MYT1L: variants seen among roughly 807,000 people sequenced by gnomAD.
MYT1L encodes the protein myelin transcription factor 1 like.
MYT1L carries 12 observed loss-of-function variants against 126.7 expected under a neutral mutation model. That is an observed-to-expected ratio of 0.09 (90% confidence interval 0.06 to 0.15). The LOEUF (loss-of-function observed/expected upper bound fraction) is 0.15. Ranked by LOEUF, MYT1L falls within the 10% of genes least tolerant of loss-of-function variation. The probability of loss-of-function intolerance (pLI) is 1.00; values close to 1 mark genes in which losing one functional copy is unlikely to be tolerated. For synonymous variants in MYT1L, 541 were observed against 604.2 expected (o/e 0.90, Z 1.53); for missense variants, 979 against 1,585.2 (o/e 0.62, Z 6.49).
intron 4 of MYT1L, among the ~76,000 whole-genome samples, chr2:2,000,499 AC>A (rs1366819074): frequency 1.3e-5 from 2 of 152,058 alleles, no homozygotes; most frequent in Admixed American, 6.5e-5. Context: ...GGCCTGAGTG[AC>A]GGGCACTTCT....
intron 4 of MYT1L, among the ~76,000 whole-genome samples, chr2:2,004,508 T>C (rs1478826289): frequency 2.0e-5 from 3 of 148,328 alleles, no homozygotes; most frequent in Non-Finnish European, 4.5e-5. Context: ...CATTCTTTCC[T>C]GCAGGCATTA....
chr2:2,326,585 A>C, intron 1 of MYT1L: 1 of 150,274 alleles, frequency 6.7e-6, no homozygotes, highest in African/African-American at 2.5e-5. Context: ...TCCAATAATC[A>C]CCACGTGGGG....
intron 10 of MYT1L, among the ~76,000 whole-genome samples, chr2:1,920,923 G>A (rs973464623): frequency 1.3e-5 from 2 of 152,198 alleles, no homozygotes; most frequent in Non-Finnish European, 2.9e-5. Flanking sequence ...CGACTGAAAC[G>A]CTGTCTGTGC....
intron 21 of MYT1L, among the ~76,000 whole-genome samples, chr2:1,818,928 C>T (rs2038106026): frequency 6.6e-6 from 1 of 152,198 alleles, no homozygotes. Flanking sequence ...GACGCCTCGG[C>T]CACAGCCACA....
rs554656850 is a variant in MYT1L at position 2,213,387 on chromosome 2, G to T, written c.-420-40399C>A. On this transcript the variant is annotated intron_variant, in intron 2 of 24. Coordinates refer to ENST00000647738, the MANE Select transcript of MYT1L (RefSeq NM_001303052.2). ...TCAGGACAGAGCACTGCAGAGAAGG[G>T]AGCTGCAGAGAGATAATCCTGGGGG... is the stretch of plus-strand genomic sequence containing the variant. Among the ~76,000 whole-genome samples, 3 of 152,234 alleles carry T rather than the reference G, an allele frequency of 2.0e-5. No homozygotes were observed. The South Asian group carries it at 6.2e-4, about 32-fold the overall frequency.
intron 4 of MYT1L, among the ~76,000 whole-genome samples, chr2:2,002,142 C>T (rs2062453493): frequency 6.6e-6 from 1 of 152,298 alleles, no homozygotes; most frequent in South Asian, 2.1e-4. Flanking sequence ...AGTACTGCCT[C>T]CTCAGACTGG....
chr2:1,934,190 G>A (rs1474029294), intron 9 of MYT1L, among the ~76,000 whole-genome samples: 5 of 151,100 alleles, frequency 3.3e-5, no homozygotes, highest in African/African-American at 1.2e-4. Flanking sequence ...TAGCCAGGAT[G>A]GTCTCGATCT....
chr2:2,094,786 G>A (rs1287248995), intron 3 of MYT1L, among the ~76,000 whole-genome samples: 2 of 139,788 alleles, frequency 1.4e-5, no homozygotes, highest in Non-Finnish European at 3.1e-5. Flanking sequence ...GTGGGGGGAG[G>A]GGGGAGCGAT....
chr2:2,058,435 T>G (rs917669891), intron 3 of MYT1L, among the ~76,000 whole-genome samples: 3 of 152,250 alleles, frequency 2.0e-5, no homozygotes, highest in African/African-American at 7.2e-5. Flanking sequence ...TGACATCCAA[T>G]TCATCAATTT....
intron 4 of MYT1L, among the ~76,000 whole-genome samples, chr2:2,027,186 C>T (rs561821201): frequency 5.3e-5 from 8 of 152,242 alleles, no homozygotes; most frequent in South Asian, 4.1e-4. Flanking sequence ...CTGGGAGATC[C>T]GAATCCGGAT....
intron 21 of MYT1L, among the ~76,000 whole-genome samples, chr2:1,831,144 G>A (rs553994482): frequency 1.1e-4 from 16 of 151,786 alleles, no homozygotes; most frequent in Admixed American, 4.6e-4. Context: ...TGCCCGACGC[G>A]TGTGTGAATG....
intron 2 of MYT1L, among the ~76,000 whole-genome samples, chr2:2,274,664 TTAGCTC>T (rs2095324498): frequency 6.6e-6 from 1 of 152,140 alleles, no homozygotes; most frequent in Non-Finnish European, 1.5e-5. Flanking sequence ...ATAAACAGTA[TTAGCTC>T]CAGCTATACA....
At chr2:2,117,206 T>C (rs2080326992) in intron 3 of MYT1L, among the ~76,000 whole-genome samples, 1 of 152,182 alleles carries the variant, frequency 6.6e-6, no homozygotes, top group Non-Finnish European at 1.5e-5. Context: ...TCACTTCTAA[T>C]CCAAGATAAA....
Position 1,987,830 on chromosome 2 carries a change from C to A in MYT1L, c.1-8053G>T, listed in dbSNP as rs189215244. Among the ~76,000 whole-genome samples the A allele has an allele frequency of 1.5e-3, 235 of 152,240 alleles. 1 individual carries two copies. The highest frequency in any genetic ancestry group is 2.8e-3 in the Non-Finnish European group (188 of 68,020). On this transcript the variant is annotated intron_variant, in intron 5 of 24. Transcript: ENST00000647738. ...GGAGTGACATTCCCATGCTGGGCCT[C>A]AAGACTCAGAATATGGCTCATCAGG...
At chr2:1,858,051 CAG>C (rs578054759) in intron 18 of MYT1L, among the ~76,000 whole-genome samples, 15 of 152,278 alleles carry the variant, frequency 9.9e-5, no homozygotes, top group Non-Finnish European at 2.1e-4. Flanking sequence ...TTTGTAGAGA[CAG>C]GGGTTTCGCC....
intron 11 of MYT1L, among the ~76,000 whole-genome samples, chr2:1,915,486 AT>A (rs892174934): frequency 6.6e-6 from 1 of 152,094 alleles, no homozygotes; most frequent in Non-Finnish European, 1.5e-5. Flanking sequence ...AGTCAGAAGA[AT>A]TTCCCATCCA....
chr2:2,092,330 CG>C (rs1484163035), intron 3 of MYT1L, among the ~76,000 whole-genome samples: 1 of 152,076 alleles, frequency 6.6e-6, no homozygotes, highest in Admixed American at 6.6e-5. Context: ...GAATGACTGG[CG>C]GAACAGTCAG....
intron 3 of MYT1L, among the ~76,000 whole-genome samples, chr2:2,142,696 G>GT (rs890332289): frequency 8.6e-5 from 13 of 151,636 alleles, no homozygotes; most frequent in East Asian, 3.9e-4. Context: ...AACTATTTTT[G>GT]TTTTTTTTGA....
chr2:2,299,994 C>G (rs10165583), intron 1 of MYT1L, among the ~76,000 whole-genome samples: 2,127 of 152,290 alleles, frequency 0.014, 44 homozygotes, highest in African/African-American at 0.048. Flanking sequence ...CATTCCCAAG[C>G]TGTTTAACCT....
Sources: allele counts gnomAD v4.1 joint callset (sites outside exome capture counted in the v4.1 genomes callset), GRCh38; gene constraint gnomAD v4.1.1; transcripts MANE v1.5; gene names NCBI Gene and HGNC (gene_info 2026-07-23, HGNC 2026-07-21).